Variants in CREB5 observed in about 807,000 individuals in gnomAD.
CREB5 encodes cAMP responsive element binding protein 5.
A neutral mutation model predicts 57.1 loss-of-function variants in CREB5; 19 were observed. The observed-to-expected ratio is 0.33, with a 90% confidence interval of 0.23 to 0.49. The LOEUF (loss-of-function observed/expected upper bound fraction) is 0.49. Ranked by LOEUF, CREB5 falls within the 20% of genes least tolerant of loss-of-function variation. The probability of loss-of-function intolerance (pLI) is 0.99; values close to 1 mark genes in which losing one functional copy is unlikely to be tolerated. For synonymous variants in CREB5, 238 were observed against 238.3 expected (o/e 1.00, Z 0.01); for missense variants, 579 against 671.6 (o/e 0.86, Z 1.52).
At chr7:28,734,979 C>T (rs926019602) in intron 7 of CREB5, among the ~76,000 whole-genome samples, 3 of 152,156 alleles carry the variant, frequency 2.0e-5, no homozygotes, top group Non-Finnish European at 4.4e-5. Flanking sequence ...AGTAATAGAG[C>T]AAATTGTCCT....
chr7:28,520,557 T>C (rs1418350565), intron 4 of CREB5, among the ~76,000 whole-genome samples: 1 of 152,254 alleles, frequency 6.6e-6, no homozygotes, highest in African/African-American at 2.4e-5. Context: ...GTCACTGGGC[T>C]GACTGTAAAA....
chr7:28,419,384 T>C (rs187615864), intron 1 of CREB5, among the ~76,000 whole-genome samples: 406 of 152,374 alleles, frequency 2.7e-3, no homozygotes, highest in African/African-American at 8.9e-3. Flanking sequence ...TATTTGGTTT[T>C]TGTTTTCTCC....
At chr7:28,626,295 A>C (rs1168262473) in intron 5 of CREB5, among the ~76,000 whole-genome samples, 1 of 152,216 alleles carries the variant, frequency 6.6e-6, no homozygotes, top group African/African-American at 2.4e-5. Context: ...AGTGTGGAAG[A>C]GTTCAAATTT....
chr7:28,503,301 A>T (rs1381697121), intron 3 of CREB5, among the ~76,000 whole-genome samples: 1 of 152,216 alleles, frequency 6.6e-6, no homozygotes, highest in East Asian at 1.9e-4. Flanking sequence ...GATAATCCTA[A>T]CAACTTTCGG....
intron 4 of CREB5, among the ~76,000 whole-genome samples, chr7:28,553,794 C>T (rs1426835755): frequency 6.6e-6 from 1 of 152,234 alleles, no homozygotes; most frequent in Non-Finnish European, 1.5e-5. Flanking sequence ...CCGACTGGGA[C>T]TCAGCCTTAT....
intron 5 of CREB5, among the ~76,000 whole-genome samples, chr7:28,672,182 AAAAAAAACACACAC>A (rs1249898838): frequency 5.4e-5 from 5 of 92,368 alleles, no homozygotes; most frequent in African/African-American, 1.4e-4. Flanking sequence ...ATGGAAAAAA[AAAAAAAACACACAC>A]ACACACACAC....
chr7:28,503,621 C>T (rs1023396517), intron 3 of CREB5, among the ~76,000 whole-genome samples: 5 of 152,098 alleles, frequency 3.3e-5, no homozygotes, highest in Non-Finnish European at 5.9e-5. Context: ...GAGATGAGGT[C>T]ATGAGATGGT....
At chr7:28,749,932 T>C (rs1035032332) in intron 7 of CREB5, among the ~76,000 whole-genome samples, 1 of 152,040 alleles carries the variant, frequency 6.6e-6, no homozygotes, top group African/African-American at 2.4e-5. Flanking sequence ...ACTGATAGTT[T>C]TTTTTTTTAA....
At chr7:28,422,240 G>C (rs1397354321) in intron 1 of CREB5, among the ~76,000 whole-genome samples, 1 of 152,128 alleles carries the variant, frequency 6.6e-6, no homozygotes. Flanking sequence ...GAAAATTGCA[G>C]GAAGGAGATG....
intron 3 of CREB5, among the ~76,000 whole-genome samples, chr7:28,501,421 G>A (rs866115453): frequency 2.0e-5 from 3 of 152,102 alleles, no homozygotes; most frequent in Non-Finnish European, 2.9e-5. Flanking sequence ...TCCGTTTCTC[G>A]TCCGTATTCT....
chr7:28,374,457 G>A (rs1243356908), intron 1 of CREB5, among the ~76,000 whole-genome samples: 4 of 152,128 alleles, frequency 2.6e-5, no homozygotes, highest in Admixed American at 2.6e-4. Context: ...TAACAAGTAA[G>A]TGGATAAACA....
intron 1 of CREB5, among the ~76,000 whole-genome samples, chr7:28,414,475 G>A (rs577312099): frequency 6.6e-6 from 1 of 152,154 alleles, no homozygotes; most frequent in East Asian, 1.9e-4. Flanking sequence ...ATTGAGATAA[G>A]GTAATAAACT....
At chr7:28,485,710 A>G (rs1791518649) in intron 1 of CREB5, among the ~76,000 whole-genome samples, 1 of 152,176 alleles carries the variant, frequency 6.6e-6, no homozygotes, top group African/African-American at 2.4e-5. Context: ...AGAGACAGAG[A>G]AGTTCCAGGA....
intron 5 of CREB5, among the ~76,000 whole-genome samples, chr7:28,625,982 T>C (rs1458007094): frequency 6.6e-6 from 1 of 152,246 alleles, no homozygotes; most frequent in Non-Finnish European, 1.5e-5. Flanking sequence ...TTTCTTCAAC[T>C]AATTTCTTAC....
chr7:28,439,596 C>T lies in CREB5; in HGVS notation c.3+26679C>T, dbSNP rs571451191. ...TGGCCCAGAGATGTTTGGTAGACTTCCCAAGGTCACAGAGCCAATAAATGA... is the reference window on the plus strand; with the variant it reads ...TGGCCCAGAGATGTTTGGTAGACTTTCCAAGGTCACAGAGCCAATAAATGA... On this transcript the variant is annotated intron_variant, in intron 1 of 10. Transcript: ENST00000357727. Among the ~76,000 whole-genome samples, 5 of 152,232 alleles carry T rather than the reference C, an allele frequency of 3.3e-5. 1 individual carries two copies. In the South Asian group the frequency reaches 1.0e-3, roughly 32 times the overall value.
intron 1 of CREB5, among the ~76,000 whole-genome samples, chr7:28,485,766 A>G (rs1213255380): frequency 1.3e-5 from 2 of 152,166 alleles, no homozygotes; most frequent in Non-Finnish European, 2.9e-5. Flanking sequence ...TAGTTAATTA[A>G]TGGATAGCCC....
chr7:28,553,928 C>T (rs2128635308), intron 4 of CREB5, among the ~76,000 whole-genome samples: 1 of 152,186 alleles, frequency 6.6e-6, no homozygotes, highest in Admixed American at 6.5e-5. Context: ...GTGTGTCCAT[C>T]AAACAGAATT....
At chr7:28,383,171 T>C (rs740988) in intron 1 of CREB5, among the ~76,000 whole-genome samples, 40,353 of 151,838 alleles carry the variant, frequency 0.27, 5,511 homozygotes, top group African/African-American at 0.31. Flanking sequence ...AAGGGATTGG[T>C]GGATTCGTGT....
intron 7 of CREB5, among the ~76,000 whole-genome samples, chr7:28,776,230 C>T (rs558688923): frequency 1.3e-5 from 2 of 151,018 alleles, no homozygotes; most frequent in South Asian, 2.1e-4. Context: ...CCCAGCTACT[C>T]GGGAGGCTGA....
Sources: allele counts gnomAD v4.1 joint callset (sites outside exome capture counted in the v4.1 genomes callset), GRCh38; gene constraint gnomAD v4.1.1; transcripts MANE v1.5; gene names NCBI Gene and HGNC (gene_info 2026-07-23, HGNC 2026-07-21).